Variants in SHANK2 observed in about 807,000 individuals in gnomAD.
SHANK2 encodes SH3 and multiple ankyrin repeat domains 2.
A neutral mutation model predicts 133.7 loss-of-function variants in SHANK2; 43 were observed. The ratio of observed to expected loss-of-function variants is 0.32; its 90% CI spans 0.25 to 0.41. The LOEUF (loss-of-function observed/expected upper bound fraction) is 0.41, where lower values mean the gene tolerates loss of function less well. Ranked by LOEUF, SHANK2 falls within the 10% of genes least tolerant of loss-of-function variation. The pLI is 1.00. For synonymous variants in SHANK2, 1,017 were observed against 952.8 expected, an observed-to-expected ratio of 1.07 and a Z score of -1.24; for missense variants, 1,994 against 2,235.8, an observed-to-expected ratio of 0.89 and a Z score of 2.18.
intron 14 of SHANK2, among the ~76,000 whole-genome samples, chr11:70,737,493 T>C (rs927829919): frequency 1.8e-4 from 27 of 152,256 alleles, no homozygotes; most frequent in East Asian, 1.2e-3. Flanking sequence ...TCAATGAGAC[T>C]CTGTCCGAGT....
chr11:71,199,556 C>T (rs906557800), intron 2 of SHANK2, among the ~76,000 whole-genome samples: 3 of 152,228 alleles, frequency 2.0e-5, no homozygotes, highest in Non-Finnish European at 4.4e-5. Context: ...TCAAAGCCTT[C>T]GCTAAAACGT....
chr11:70,662,083 A>G, intron 15 of SHANK2: 1 of 470,522 alleles, frequency 2.1e-6, no homozygotes, highest in Non-Finnish European at 3.9e-6. Flanking sequence ...GGCGTCGGGA[A>G]TGAGCTCCTC....
chr11:71,251,207 T>C (rs978494548), intron 1 of SHANK2, among the ~76,000 whole-genome samples: 12 of 150,394 alleles, frequency 8.0e-5, no homozygotes, highest in Admixed American at 6.6e-4. Flanking sequence ...TGCACCACCC[T>C]TTCTCCCTCT....
intron 2 of SHANK2, among the ~76,000 whole-genome samples, chr11:71,171,139 G>T (rs782253993): frequency 6.6e-6 from 1 of 152,190 alleles, no homozygotes; most frequent in Non-Finnish European, 1.5e-5. Context: ...TCTTCTAGGT[G>T]CACTGTATTG....
chr11:70,948,446 T>C, intron 10 of SHANK2: 1 of 448,264 alleles, frequency 2.2e-6, no homozygotes, highest in Admixed American at 2.4e-5. Context: ...ATCATAGATA[T>C]GCACCGAACA....
chr11:70,876,156 C>CA (rs1162634604), intron 11 of SHANK2, among the ~76,000 whole-genome samples: 123 of 147,296 alleles, frequency 8.4e-4, no homozygotes, highest in Non-Finnish European at 1.3e-3. Context: ...AACTCCATCT[C>CA]AAAAAAAAAT....
intron 9 of SHANK2, among the ~76,000 whole-genome samples, chr11:71,068,394 A>C (rs1219848061): frequency 6.6e-6 from 1 of 152,220 alleles, no homozygotes; most frequent in Non-Finnish European, 1.5e-5. Context: ...AGACTCATCC[A>C]AAGAGACTGG....
intron 11 of SHANK2, among the ~76,000 whole-genome samples, chr11:70,831,018 T>C (rs1948716968): frequency 6.6e-6 from 1 of 152,222 alleles, no homozygotes; most frequent in African/African-American, 2.4e-5. Context: ...TCCTACTGAA[T>C]GCAGATGAGG....
chr11:70,829,664 G>A (rs1014914723), intron 11 of SHANK2, among the ~76,000 whole-genome samples: 16 of 152,296 alleles, frequency 1.1e-4, no homozygotes, highest in African/African-American at 3.6e-4. Flanking sequence ...GAGGAATCCA[G>A]GGAACACCCC....
chr11:70,664,344 GTGTGTCTCC>G (rs1944639814), intron 15 of SHANK2, among the ~76,000 whole-genome samples: 1 of 152,222 alleles, frequency 6.6e-6, no homozygotes, highest in South Asian at 2.1e-4. Flanking sequence ...TGACCAGCCT[GTGTGTCTCC>G]TGTGTCTCCT....
intron 17 of SHANK2, among the ~76,000 whole-genome samples, chr11:70,635,756 TAA>T (rs1377502907): frequency 1.4e-5 from 2 of 138,856 alleles, no homozygotes. Flanking sequence ...AGTATAACTG[TAA>T]AAAAAAAAAG....
chr11:70,625,580 C>T (rs2060893396), intron 17 of SHANK2, among the ~76,000 whole-genome samples: 1 of 152,058 alleles, frequency 6.6e-6, no homozygotes, highest in Non-Finnish European at 1.5e-5. Flanking sequence ...CAAGTTGGTG[C>T]TTCACTACCC....
chr11:71,098,065 T>C (rs1951652834), intron 6 of SHANK2, among the ~76,000 whole-genome samples: 1 of 148,456 alleles, frequency 6.7e-6, no homozygotes, highest in African/African-American at 2.5e-5. Flanking sequence ...TGTGTGTACA[T>C]GCCTGTGTGT....
intron 12 of SHANK2, among the ~76,000 whole-genome samples, chr11:70,809,187 A>G (rs1470493993): frequency 6.6e-6 from 1 of 152,198 alleles, no homozygotes; most frequent in East Asian, 1.9e-4. Context: ...AAGACAGGGA[A>G]AGTGTCCACC....
intron 11 of SHANK2, among the ~76,000 whole-genome samples, chr11:70,875,763 G>A (rs1949550562): frequency 6.6e-6 from 1 of 151,856 alleles, no homozygotes; most frequent in Non-Finnish European, 1.5e-5. Flanking sequence ...GCTGAAGTGG[G>A]AGGATTATTT....
chr11:70,823,283 G>A (rs1358252183), intron 11 of SHANK2, among the ~76,000 whole-genome samples: 2 of 120,182 alleles, frequency 1.7e-5, no homozygotes, highest in Non-Finnish European at 3.4e-5. Flanking sequence ...CAGAGGTGGC[G>A]CTGGCAGAGT....
chr11:70,535,790 G>A lies in SHANK2; in HGVS notation c.2062-32859C>T, dbSNP rs541053349. ...GTGCTCCACGGGGCAGGAGAGGTTC[G>A]GGTGGGCCATCCGCTGGCAGGGAGC... On this transcript the variant is annotated intron_variant, in intron 17 of 25. Coordinates refer to ENST00000601538, the MANE Select transcript of SHANK2 (RefSeq NM_012309.5). This position sits in a 1 kb window ranked among gnomAD's most constrained non-coding sequence, Gnocchi z 4.3. Among the ~76,000 whole-genome samples, 4 of 152,370 alleles carry A rather than the reference G, an allele frequency of 2.6e-5. No individual in the cohort carries two copies. The highest frequency in any genetic ancestry group is 6.5e-5 in the Admixed American group (1 of 15,308).
chr11:70,944,182 A>T (rs902094857), intron 10 of SHANK2, among the ~76,000 whole-genome samples: 1 of 152,236 alleles, frequency 6.6e-6, no homozygotes, highest in African/African-American at 2.4e-5. Context: ...GTTCTGACAG[A>T]GGTGTAAATT....
At chr11:70,808,979 C>T (rs1178176678) in intron 12 of SHANK2, among the ~76,000 whole-genome samples, 2 of 152,152 alleles carry the variant, frequency 1.3e-5, no homozygotes, top group Admixed American at 1.3e-4. Context: ...TGATTTTGCA[C>T]AGAGCTATGT....
Sources: allele counts gnomAD v4.1 joint callset (sites outside exome capture counted in the v4.1 genomes callset), GRCh38; gene constraint gnomAD v4.1.1; non-coding constraint Gnocchi (gnomAD v3.1); transcripts MANE v1.5; gene names NCBI Gene and HGNC (gene_info 2026-07-23, HGNC 2026-07-21).